The following SNAP25 variants were observed in gnomAD, a reference collection of about 807,000 sequenced individuals.
SNAP25 encodes the protein synaptosome associated protein 25.
A neutral mutation model predicts 28.7 loss-of-function variants in SNAP25; 3 were observed. The observed-to-expected ratio is 0.10, with a 90% CI of 0.05 to 0.27. SNAP25 has a LOEUF of 0.27. Ranked by LOEUF, SNAP25 falls within the 10% of genes least tolerant of loss-of-function variation. The probability of loss-of-function intolerance (pLI) is 1.00; values close to 1 mark genes in which losing one functional copy is unlikely to be tolerated. For synonymous variants in SNAP25, 61 were observed against 88.1 expected (o/e 0.69, Z 1.72); for missense variants, 117 against 278.7 (o/e 0.42, Z 4.13).
intron 1 of SNAP25, among the ~76,000 whole-genome samples, chr20:10,232,195 C>T (rs1197133975): frequency 6.6e-6 from 1 of 152,226 alleles, no homozygotes; most frequent in African/African-American, 2.4e-5. Flanking sequence ...GAAACATACA[C>T]ATGCGATTTG....
At chr20:10,273,876 G>A (rs1315616815) in intron 1 of SNAP25, among the ~76,000 whole-genome samples, 1 of 152,130 alleles carries the variant, frequency 6.6e-6, no homozygotes, top group Admixed American at 6.5e-5. Context: ...ACCCCATCGG[G>A]CCCTTTGCCC....
chr20:10,277,475 T>C (rs2063710394), intron 2 of SNAP25, among the ~76,000 whole-genome samples: 1 of 152,214 alleles, frequency 6.6e-6, no homozygotes, highest in African/African-American at 2.4e-5. Flanking sequence ...TAAGCTGTAA[T>C]GTAATTGCTT....
intron 3 of SNAP25, among the ~76,000 whole-genome samples, chr20:10,281,612 G>A (rs1310374707): frequency 3.3e-5 from 5 of 152,138 alleles, no homozygotes; most frequent in Non-Finnish European, 5.9e-5. Flanking sequence ...AGGTATAAAC[G>A]GCAGAGATGA....
At chr20:10,279,075 A>G (rs938027626) in intron 3 of SNAP25, among the ~76,000 whole-genome samples, 1 of 152,234 alleles carries the variant, frequency 6.6e-6, no homozygotes, top group Non-Finnish European at 1.5e-5. Flanking sequence ...GTTCTGTCTA[A>G]GTGAAGAGCA....
chr20:10,224,257 C>CTTTTTTTTTTTTTTTTTTTTTTTTTT lies in SNAP25; in HGVS notation c.-64+5290_-64+5315dup, dbSNP rs71332917. On this transcript the variant is annotated intron_variant, in intron 1 of 7. Transcript: ENST00000254976. ...AATAAGGCATAGAGAATGTACATGT[C>CTTTTTTTTTTTTTTTTTTTTTTTTTT]TTTTTTTTTTTTTTTTTTTTTTTTT... 8.6e-4 allele frequency among the ~76,000 whole-genome samples: 15 copies of CTTTTTTTTTTTTTTTTTTTTTTTTTT among 17,432 alleles called. 6 individuals are homozygous for CTTTTTTTTTTTTTTTTTTTTTTTTTT. Among genetic ancestry groups the CTTTTTTTTTTTTTTTTTTTTTTTTTT allele is most frequent in the African/African-American group, 1.1e-3 (4 of 3,698 alleles). The allele number at this position is 17,432 out of a possible 152,430, so 11.4% of individuals were successfully genotyped here. A position where few individuals can be genotyped will look rare whatever the true frequency, so the allele number is the denominator to read the frequency against.
intron 1 of SNAP25, among the ~76,000 whole-genome samples, chr20:10,256,406 G>A (rs577556184): frequency 1.3e-5 from 2 of 152,100 alleles, no homozygotes; most frequent in Middle Eastern, 3.4e-3. Flanking sequence ...AATTCTTTCC[G>A]TATGTACACT....
intron 1 of SNAP25, among the ~76,000 whole-genome samples, chr20:10,258,178 T>C (rs1025533578): frequency 8.5e-5 from 13 of 152,188 alleles, no homozygotes; most frequent in African/African-American, 3.1e-4. Context: ...TTTAAATGAT[T>C]CCTGTGTGAT....
chr20:10,268,727 C>T (rs991482707), intron 1 of SNAP25, among the ~76,000 whole-genome samples: 1 of 152,180 alleles, frequency 6.6e-6, no homozygotes, highest in African/African-American at 2.4e-5. Context: ...ATTTGCTCCT[C>T]ATGTCATTAA....
chr20:10,299,499 A>C, intron 7 of SNAP25, 87 bp downstream of exon 7: 9 of 1,360,486 alleles, frequency 6.6e-6, no homozygotes, highest in Non-Finnish European at 8.9e-6. Flanking sequence ...CAAGATCCTC[A>C]AAACACGACC....
At chr20:10,284,038 A>C (rs879324178) in intron 3 of SNAP25, among the ~76,000 whole-genome samples, 1 of 152,146 alleles carries the variant, frequency 6.6e-6, no homozygotes, top group Non-Finnish European at 1.5e-5. Flanking sequence ...CTTGTAAAGG[A>C]ATTATTTTCT....
chr20:10,240,572 C>T (rs1568580666), intron 1 of SNAP25, among the ~76,000 whole-genome samples: 2 of 152,284 alleles, frequency 1.3e-5, no homozygotes, highest in South Asian at 2.1e-4. Flanking sequence ...AAAGCGTGAT[C>T]CTGCTTCCTT....
intron 1 of SNAP25, among the ~76,000 whole-genome samples, chr20:10,263,829 A>G (rs1025095065): frequency 1.3e-5 from 2 of 152,174 alleles, no homozygotes; most frequent in African/African-American, 4.8e-5. Flanking sequence ...CACTAACAGT[A>G]GCACTCTGTA....
At chr20:10,227,496 T>C (rs1197847881) in intron 1 of SNAP25, among the ~76,000 whole-genome samples, 1 of 152,148 alleles carries the variant, frequency 6.6e-6, no homozygotes, top group Non-Finnish European at 1.5e-5. Flanking sequence ...TCAGGAATTG[T>C]TGTGTACCCT....
intron 4 of SNAP25, among the ~76,000 whole-genome samples, chr20:10,286,643 C>T (rs1158361205): frequency 6.6e-6 from 1 of 152,074 alleles, no homozygotes; most frequent in Non-Finnish European, 1.5e-5. Context: ...CAGCTGGAGG[C>T]ATCTGGCTGT....
rs201639889 is a variant in SNAP25, at chr20:10,299,322, C to T, written c.462C>T (p.Ser154=). 5.8e-5 allele frequency: 93 copies of T among 1,613,784 alleles called. No homozygotes were observed. The highest frequency in any genetic ancestry group is 5.8e-5 in the Non-Finnish European group (69 of 1,179,968). Residue 154 remains serine (S), a synonymous_variant, in exon 7 of 8, where the codon AGC becomes AGT. Coordinates refer to ENST00000254976, the MANE Select transcript of SNAP25 (RefSeq NM_130811.4). The part of the protein sequence containing the change: ...NEMDENLEQV[S]GIIGNLRHMA... ...TGGATGAAAACCTAGAGCAGGTGAG[C>T]GGCATCATCGGGAACCTCCGTCACA...
intron 1 of SNAP25, among the ~76,000 whole-genome samples, chr20:10,260,901 A>G (rs2063403897): frequency 6.6e-6 from 1 of 152,206 alleles, no homozygotes; most frequent in Non-Finnish European, 1.5e-5. Flanking sequence ...TTGAAACACT[A>G]ATAGTAGCTA....
chr20:10,289,087 A>G (rs757955463), intron 4 of SNAP25, among the ~76,000 whole-genome samples: 1 of 152,072 alleles, frequency 6.6e-6, no homozygotes, highest in Non-Finnish European at 1.5e-5. Flanking sequence ...AACCATCTCA[A>G]CCACTGTTGG....
intron 1 of SNAP25, among the ~76,000 whole-genome samples, chr20:10,244,118 G>A (rs1296298988): frequency 6.6e-6 from 1 of 152,118 alleles, no homozygotes; most frequent in African/African-American, 2.4e-5. Flanking sequence ...AGGAGTTATT[G>A]CCATGACTAA....
At chr20:10,282,162 T>A (rs62185258) in intron 3 of SNAP25, among the ~76,000 whole-genome samples, 894 of 76,618 alleles carry the variant, frequency 0.012, 55 homozygotes, top group South Asian at 0.016. Flanking sequence ...GAAGGAAGGA[T>A]GGAAGGAAGG....
Sources: gnomAD v4.1 joint callset for allele counts (sites outside exome capture counted in the v4.1 genomes callset) on GRCh38, gnomAD v4.1.1 for gene constraint, MANE v1.5 for transcripts, NCBI Gene and HGNC (gene_info 2026-07-23, HGNC 2026-07-21) for gene names.